The following CNTN5 variants were observed in gnomAD, a reference collection of about 807,000 sequenced individuals.
CNTN5 encodes contactin-5.
CNTN5 carries 77 observed loss-of-function variants against 129.1 expected under a neutral mutation model. The observed-to-expected ratio is 0.60, with a 90% CI of 0.50 to 0.72. The LOEUF is 0.72. Ranked by LOEUF, CNTN5 falls within the 30% of genes least tolerant of loss-of-function variation. CNTN5 has a pLI of 0.00. For missense variants in CNTN5, 1,478 were observed against 1,328.8 expected (o/e 1.11, Z -1.75); for synonymous variants, 509 against 465.6 (o/e 1.09, Z -1.20).
intron 2 of CNTN5, among the ~76,000 whole-genome samples, chr11:99,509,238 C>CT (rs1946743518): frequency 6.6e-6 from 1 of 152,070 alleles, no homozygotes; most frequent in South Asian, 2.1e-4. Flanking sequence ...TCTTTAGGAT[C>CT]TTCATTTAAA....
intron 2 of CNTN5, among the ~76,000 whole-genome samples, chr11:99,460,783 G>A (rs961613830): frequency 1.9e-4 from 29 of 151,966 alleles, no homozygotes; most frequent in African/African-American, 7.0e-4. Flanking sequence ...TTGCTAGTGA[G>A]AGTTTAAAGT....
chr11:99,059,492 C>T (rs556425527), intron 1 of CNTN5, among the ~76,000 whole-genome samples: 6 of 152,132 alleles, frequency 3.9e-5, no homozygotes, highest in South Asian at 2.1e-4. Context: ...CAAATACTTC[C>T]CTTTAGTCAT....
chr11:100,132,379 C>T (rs966047329), intron 13 of CNTN5, among the ~76,000 whole-genome samples: 1 of 151,950 alleles, frequency 6.6e-6, no homozygotes, highest in African/African-American at 2.4e-5. Context: ...ACTAAAAGCA[C>T]GACATATGGT....
At position 99,769,144 on chromosome 11, in the gene CNTN5, A is replaced by G. The variant is rs113135499; in HGVS notation, c.56-50400A>G. 2.0e-3 allele frequency among the ~76,000 whole-genome samples: 308 copies of G among 152,298 alleles called. 1 individual carries two copies. The highest frequency in any genetic ancestry group is 6.6e-3 in the African/African-American group (273 of 41,560). On this transcript the variant is annotated intron_variant, in intron 3 of 24. Coordinates refer to ENST00000524871, the MANE Select transcript of CNTN5 (RefSeq NM_014361.4). ...ATATTCTTTTTGATACTTAAATTAT[A>G]TAAACTGGCTGTTGAAAACCACTTC... is the stretch of plus-strand genomic sequence containing the variant.
rs141193770 is a variant in CNTN5 at position 100,353,806 on chromosome 11, G to C, written c.3200-2311G>C. 3.9e-3 allele frequency among the ~76,000 whole-genome samples: 591 copies of C among 151,720 alleles called. 7 individuals are homozygous for C. Among genetic ancestry groups the C allele is most frequent in the African/African-American group, 0.014 (561 of 41,496 alleles). Reference sequence around the variant, plus strand: ...ATTTACGCTTTTTGCATTTGTGTGTGTGTGTGTGCACGCCCATGTGTGTGT... The same window carrying C: ...ATTTACGCTTTTTGCATTTGTGTGTCTGTGTGTGCACGCCCATGTGTGTGT... On this transcript the variant is annotated intron_variant, in intron 24 of 24. Transcript: ENST00000524871.
intron 1 of CNTN5, among the ~76,000 whole-genome samples, chr11:99,258,856 T>G (rs1473969065): frequency 6.6e-6 from 1 of 151,876 alleles, no homozygotes; most frequent in Non-Finnish European, 1.5e-5. Context: ...TATAAAATTA[T>G]TTTATAATTA....
intron 9 of CNTN5, among the ~76,000 whole-genome samples, chr11:100,020,272 A>G (rs1407646477): frequency 4.6e-5 from 7 of 152,070 alleles, no homozygotes; most frequent in African/African-American, 1.7e-4. Context: ...TAGGTCTTAC[A>G]TTTAAGTCTT....
chr11:99,582,846 G>T (rs1352898618), intron 3 of CNTN5, among the ~76,000 whole-genome samples: 1 of 152,208 alleles, frequency 6.6e-6, no homozygotes, highest in Non-Finnish European at 1.5e-5. Flanking sequence ...TCCCTGTCCA[G>T]CTTTGTTCCA....
At chr11:99,211,555 T>C (rs1001418802) in intron 1 of CNTN5, among the ~76,000 whole-genome samples, 3 of 151,566 alleles carry the variant, frequency 2.0e-5, no homozygotes, top group Non-Finnish European at 4.4e-5. Context: ...TTTTTTTTTC[T>C]GAAATAGCTT....
chr11:99,998,796 A>G (rs1275405261), intron 8 of CNTN5, among the ~76,000 whole-genome samples: 1 of 150,932 alleles, frequency 6.6e-6, no homozygotes, highest in African/African-American at 2.4e-5. Flanking sequence ...TGGTACTGGT[A>G]CCAAAACAGA....
intron 1 of CNTN5, among the ~76,000 whole-genome samples, chr11:99,033,309 T>G (rs1364423648): frequency 2.0e-5 from 3 of 152,056 alleles, no homozygotes; most frequent in African/African-American, 7.2e-5. Context: ...GTGAAGAAAG[T>G]CATTGGTAGC....
At chr11:99,968,672 T>C (rs867709715) in intron 8 of CNTN5, among the ~76,000 whole-genome samples, 1,413 of 139,240 alleles carry the variant, frequency 0.01, 49 homozygotes, top group African/African-American at 0.033. Context: ...TTTTTTTTTT[T>C]TTTTTTTTTT....
chr11:99,312,813 A>ATTTT (rs5793983), intron 1 of CNTN5, among the ~76,000 whole-genome samples: 1 of 148,640 alleles, frequency 6.7e-6, no homozygotes, highest in Non-Finnish European at 1.5e-5. Context: ...AAATTAAGTG[A>ATTTT]TTTTTTTTTT....
chr11:99,348,112 A>G (rs1938029767), intron 2 of CNTN5, among the ~76,000 whole-genome samples: 1 of 152,162 alleles, frequency 6.6e-6, no homozygotes, highest in Non-Finnish European at 1.5e-5. Context: ...CTATCTTCTT[A>G]GCGGATCACG....
chr11:100,190,256 C>G (rs1277001836), intron 13 of CNTN5, among the ~76,000 whole-genome samples: 2 of 152,060 alleles, frequency 1.3e-5, no homozygotes, highest in Non-Finnish European at 2.9e-5. Flanking sequence ...GTGGCATATT[C>G]ACTAAAACCA....
At chr11:99,872,076 T>C (rs1161402482) in intron 6 of CNTN5, among the ~76,000 whole-genome samples, 2 of 152,030 alleles carry the variant, frequency 1.3e-5, no homozygotes, top group Non-Finnish European at 2.9e-5. Flanking sequence ...AACACTGTAT[T>C]CTTTATTGAC....
chr11:100,039,812 A>C (rs1275059193), intron 9 of CNTN5, among the ~76,000 whole-genome samples: 2 of 152,114 alleles, frequency 1.3e-5, no homozygotes, highest in Non-Finnish European at 2.9e-5. Context: ...CTTGGTTTTC[A>C]GCTCCATCAG....
At chr11:99,373,310 A>G (rs1295719012) in intron 2 of CNTN5, among the ~76,000 whole-genome samples, 3 of 152,200 alleles carry the variant, frequency 2.0e-5, no homozygotes, top group Non-Finnish European at 4.4e-5. Context: ...AGAGAAGAAA[A>G]TAATGAAGGG....
chr11:99,932,754 A>T (rs1344385024), intron 7 of CNTN5, among the ~76,000 whole-genome samples: 1 of 152,166 alleles, frequency 6.6e-6, no homozygotes, highest in Non-Finnish European at 1.5e-5. Flanking sequence ...CTTAGTGATG[A>T]TGATGATGAT....
Sources: allele counts gnomAD v4.1 joint callset (sites outside exome capture counted in the v4.1 genomes callset), GRCh38; gene constraint gnomAD v4.1.1; transcripts MANE v1.5; gene names NCBI Gene and HGNC (gene_info 2026-07-23, HGNC 2026-07-21).